The following CREB5 variants were observed in gnomAD, a reference collection of about 807,000 sequenced individuals.
CREB5 encodes cyclic AMP-responsive element-binding protein 5.
A neutral mutation model predicts 57.1 loss-of-function variants in CREB5; 19 were observed. The ratio of observed to expected loss-of-function variants is 0.33; its 90% confidence interval spans 0.23 to 0.49. The LOEUF (loss-of-function observed/expected upper bound fraction) is 0.49. CREB5 is among the 20% of genes least tolerant of loss of function. CREB5 has a pLI of 0.99. For synonymous variants in CREB5, 238 were observed against 238.3 expected, an observed-to-expected ratio of 1.00 and a Z score of 0.01; for missense variants, 579 against 671.6, an observed-to-expected ratio of 0.86 and a Z score of 1.52.
chr7:28,720,725 C>T (rs1303786581), intron 6 of CREB5, among the ~76,000 whole-genome samples: 1 of 152,142 alleles, frequency 6.6e-6, no homozygotes, highest in Non-Finnish European at 1.5e-5. Context: ...AAAACAGCAC[C>T]ATCAATGCAA....
At chr7:28,396,410 A>G (rs977456817) in intron 1 of CREB5, among the ~76,000 whole-genome samples, 2 of 152,210 alleles carry the variant, frequency 1.3e-5, no homozygotes, top group Non-Finnish European at 2.9e-5. Flanking sequence ...GGGGATGTTT[A>G]TAATAAAATA....
intron 4 of CREB5, among the ~76,000 whole-genome samples, chr7:28,552,636 C>G (rs1305741636): frequency 6.6e-6 from 1 of 152,186 alleles, no homozygotes; most frequent in African/African-American, 2.4e-5. Context: ...AGCCACATGT[C>G]ATGTTGTCTT....
At chr7:28,622,505 C>T (rs2128686731) in intron 5 of CREB5, among the ~76,000 whole-genome samples, 1 of 152,290 alleles carries the variant, frequency 6.6e-6, no homozygotes, top group Admixed American at 6.5e-5. Flanking sequence ...CTATAACTGC[C>T]AGGGCTGAGA....
chr7:28,352,341 C>T (rs1237435260), intron 1 of CREB5, among the ~76,000 whole-genome samples: 1 of 152,212 alleles, frequency 6.6e-6, no homozygotes, highest in Non-Finnish European at 1.5e-5. Flanking sequence ...AGGGCTTCCT[C>T]TGGGCCAGCT....
intron 5 of CREB5, among the ~76,000 whole-genome samples, chr7:28,657,717 GAAAAAAAAAA>G (rs59307921): frequency 1.3e-4 from 7 of 54,028 alleles, no homozygotes; most frequent in Admixed American, 2.4e-4. Context: ...ACTCTCTCTC[GAAAAAAAAAA>G]AAAAAAAAAA....
At chr7:28,801,992 G>A (rs1808395967) in intron 7 of CREB5, among the ~76,000 whole-genome samples, 1 of 145,268 alleles carries the variant, frequency 6.9e-6, no homozygotes. Context: ...GGCTGAGGCA[G>A]GAGAATCGCT....
At chr7:28,398,594 G>A (rs549292377) in intron 1 of CREB5, among the ~76,000 whole-genome samples, 9 of 152,232 alleles carry the variant, frequency 5.9e-5, no homozygotes, top group East Asian at 3.9e-4. Context: ...ATAGCAAATC[G>A]CATGCTGGAC....
intron 1 of CREB5, among the ~76,000 whole-genome samples, chr7:28,342,997 G>A (rs987309181): frequency 3.3e-5 from 5 of 151,854 alleles, no homozygotes; most frequent in African/African-American, 9.7e-5. Flanking sequence ...CTGGAGTGCA[G>A]TGGCACAATC....
chr7:28,626,946 T>C (rs1798016744), intron 5 of CREB5, among the ~76,000 whole-genome samples: 1 of 152,188 alleles, frequency 6.6e-6, no homozygotes, highest in East Asian at 1.9e-4. Context: ...AGGGGTTTTT[T>C]TTCTCATCTG....
intron 1 of CREB5, among the ~76,000 whole-genome samples, chr7:28,396,286 G>A (rs1410691323): frequency 2.6e-5 from 4 of 152,162 alleles, no homozygotes; most frequent in Admixed American, 2.0e-4. Context: ...GAAGGATGTG[G>A]GATGGAAATA....
At chr7:28,358,657 C>G (rs1786397898) in intron 1 of CREB5, among the ~76,000 whole-genome samples, 1 of 152,218 alleles carries the variant, frequency 6.6e-6, no homozygotes, top group Non-Finnish European at 1.5e-5. Context: ...CTGCCTGGGG[C>G]CATGAGCTCA....
intron 1 of CREB5, among the ~76,000 whole-genome samples, chr7:28,334,412 C>A (rs1457489828): frequency 6.6e-6 from 1 of 152,176 alleles, no homozygotes; most frequent in Non-Finnish European, 1.5e-5. Flanking sequence ...CCACCTTGGC[C>A]TCCCAAAGTG....
intron 1 of CREB5, among the ~76,000 whole-genome samples, chr7:28,349,645 T>C (rs17642145): frequency 0.12 from 18,129 of 152,168 alleles, 1,251 homozygotes; most frequent in Middle Eastern, 0.18. Context: ...TATATAGACT[T>C]TTAACCTATG....
intron 4 of CREB5, among the ~76,000 whole-genome samples, chr7:28,551,847 C>CTTTCTT (rs1794659240): frequency 2.8e-5 from 3 of 108,086 alleles, no homozygotes; most frequent in African/African-American, 6.6e-5. Context: ...CTTTCTTTTT[C>CTTTCTT]TTTCTTTCTT....
At chr7:28,303,250 G>A (rs542740885) in intron 1 of CREB5, among the ~76,000 whole-genome samples, 39 of 152,228 alleles carry the variant, frequency 2.6e-4, no homozygotes, top group African/African-American at 8.2e-4. Flanking sequence ...GGGTAAGTGC[G>A]ATTGGTTCTG....
intron 7 of CREB5, among the ~76,000 whole-genome samples, chr7:28,727,245 T>G (rs1583622905): frequency 6.6e-6 from 1 of 152,142 alleles, no homozygotes; most frequent in East Asian, 1.9e-4. Context: ...TCAACAGACA[T>G]GGCTTCACAA....
chr7:28,331,957 A>G (rs997598930), intron 1 of CREB5, among the ~76,000 whole-genome samples: 1 of 152,178 alleles, frequency 6.6e-6, no homozygotes, highest in Non-Finnish European at 1.5e-5. Flanking sequence ...TCTTACCCAG[A>G]ACCTTTGAAT....
intron 1 of CREB5, among the ~76,000 whole-genome samples, chr7:28,391,412 G>T (rs541603749): frequency 2.0e-5 from 3 of 152,270 alleles, no homozygotes; most frequent in Admixed American, 6.5e-5. Context: ...CTAATCGGCC[G>T]TTATGTGCCA....
intron 1 of CREB5, among the ~76,000 whole-genome samples, chr7:28,313,633 A>G (rs925019863): frequency 6.6e-6 from 1 of 152,174 alleles, no homozygotes; most frequent in African/African-American, 2.4e-5. Context: ...CAGGTGAACA[A>G]CCAGTTCAGG....
Sources: gnomAD v4.1 joint callset for allele counts (sites outside exome capture counted in the v4.1 genomes callset) on GRCh38, gnomAD v4.1.1 for gene constraint, MANE v1.5 for transcripts, NCBI Gene and HGNC (gene_info 2026-07-23, HGNC 2026-07-21) for gene names.